Variants in RORA observed in about 807,000 individuals in gnomAD.
RORA encodes the protein RAR related orphan receptor A, also known as nuclear receptor ROR-alpha.
RORA carries 7 observed loss-of-function variants against 69.5 expected under a neutral mutation model. The ratio of observed to expected loss-of-function variants is 0.10; its 90% confidence interval spans 0.06 to 0.19. The LOEUF (loss-of-function observed/expected upper bound fraction) is 0.19. Among genes scored for constraint, RORA ranks in the 10% least tolerant of loss-of-function variants. The probability of loss-of-function intolerance (pLI) is 1.00; values close to 1 mark genes in which losing one functional copy is unlikely to be tolerated. For synonymous variants in RORA, 261 were observed against 240.8 expected (o/e 1.08, Z -0.78); for missense variants, 457 against 663.0 (o/e 0.69, Z 3.41).
At chr15:60,996,868 C>G (rs1354618164) in intron 1 of RORA, among the ~76,000 whole-genome samples, 4 of 151,866 alleles carry the variant, frequency 2.6e-5, no homozygotes, top group South Asian at 2.1e-4. Flanking sequence ...GGAGATCACG[C>G]CACTGCACTC....
At chr15:61,186,368 C>T (rs1488237588) in intron 1 of RORA, among the ~76,000 whole-genome samples, 2 of 152,042 alleles carry the variant, frequency 1.3e-5, no homozygotes, top group Admixed American at 6.5e-5. Flanking sequence ...TGGCCAGGCA[C>T]GGTGGCTCAT....
rs574712636 is a variant in RORA at position 61,118,198 on chromosome 15, T to C, written c.166+110855A>G. 4.6e-5 allele frequency among the ~76,000 whole-genome samples: 7 copies of C among 151,720 alleles called. No individual in the cohort carries two copies. The East Asian group carries it at 5.8e-4, about 13-fold the overall frequency. On this transcript the variant is annotated intron_variant, in intron 1 of 10. Coordinates refer to ENST00000335670, the MANE Select transcript of RORA (RefSeq NM_134261.3). ...AGAGAGTATTGGAAAGGAAAGAGGGTAGGGGTGGGGGAATGTCAGGGTTTC... is the reference window on the plus strand; with the variant it reads ...AGAGAGTATTGGAAAGGAAAGAGGGCAGGGGTGGGGGAATGTCAGGGTTTC...
At chr15:60,991,415 G>A (rs928356690) in intron 1 of RORA, among the ~76,000 whole-genome samples, 1 of 152,148 alleles carries the variant, frequency 6.6e-6, no homozygotes, top group African/African-American at 2.4e-5. Context: ...GAGGTCAATA[G>A]AGGATGTTTC....
At chr15:60,756,610 T>G (rs1436235375) in intron 1 of RORA, among the ~76,000 whole-genome samples, 2 of 152,202 alleles carry the variant, frequency 1.3e-5, no homozygotes, top group South Asian at 2.1e-4. Flanking sequence ...GGCTTTTAAT[T>G]TTTTGTATAG....
At chr15:60,497,875 A>T (rs1450461150) in intron 10 of RORA, among the ~76,000 whole-genome samples, 1 of 151,932 alleles carries the variant, frequency 6.6e-6, no homozygotes, top group Non-Finnish European at 1.5e-5. Flanking sequence ...CCTGGGAAAC[A>T]CGGTGAAACC....
At chr15:61,071,956 C>T (rs1352777823) in intron 1 of RORA, among the ~76,000 whole-genome samples, 1 of 151,984 alleles carries the variant, frequency 6.6e-6, no homozygotes, top group East Asian at 1.9e-4. Context: ...TACTCAAAGA[C>T]AGGACAGTAA....
chr15:60,840,884 G>A (rs1405071274), intron 1 of RORA, among the ~76,000 whole-genome samples: 3 of 152,168 alleles, frequency 2.0e-5, no homozygotes, highest in Admixed American at 6.5e-5. Context: ...GAGCCCAGGC[G>A]ATAGTTTTTC....
chr15:60,988,233 G>T (rs1438762377), intron 1 of RORA, among the ~76,000 whole-genome samples: 1 of 152,160 alleles, frequency 6.6e-6, no homozygotes, highest in East Asian at 1.9e-4. Context: ...GTTGGGAGAG[G>T]GAAGACACTG....
intron 1 of RORA, among the ~76,000 whole-genome samples, chr15:60,817,152 TAGC>T (rs1215914502): frequency 6.6e-6 from 1 of 152,228 alleles, no homozygotes. Context: ...TCTAATTTTT[TAGC>T]AATTTTGAAG....
intron 2 of RORA, among the ~76,000 whole-genome samples, chr15:60,646,068 A>G (rs1169200369): frequency 6.6e-6 from 1 of 152,176 alleles, no homozygotes; most frequent in Non-Finnish European, 1.5e-5. Flanking sequence ...TTCATTTGGC[A>G]TTGGAAAAGT....
chr15:60,505,103 ACAACTTCCAGAAACATGAGGCTTCCTTGT>A (rs1166303874), intron 6 of RORA, among the ~76,000 whole-genome samples: 1 of 152,216 alleles, frequency 6.6e-6, no homozygotes, highest in Non-Finnish European at 1.5e-5. Context: ...ACTCCCTAAT[ACAACTTCCAGAAACATGAGGCTTCCTTGT>A]CAACTTCCAG....
chr15:60,719,036 TG>T (rs772681035), intron 1 of RORA, among the ~76,000 whole-genome samples: 30 of 121,404 alleles, frequency 2.5e-4, no homozygotes, highest in East Asian at 9.3e-4. Flanking sequence ...TGTGTGTGTG[TG>T]GGGGGGGTGT....
intron 1 of RORA, among the ~76,000 whole-genome samples, chr15:60,854,641 A>C (rs2073361599): frequency 6.6e-6 from 1 of 152,234 alleles, no homozygotes; most frequent in African/African-American, 2.4e-5. Context: ...ACTTCAGCTA[A>C]GCTTCCTAGC....
intron 1 of RORA, among the ~76,000 whole-genome samples, chr15:60,697,360 G>A (rs1413009074): frequency 6.6e-6 from 1 of 152,158 alleles, no homozygotes; most frequent in Non-Finnish European, 1.5e-5. Context: ...CACAAGCCTA[G>A]GTTAGATGCT....
intron 2 of RORA, chr15:60,614,786 G>T: frequency 1.2e-6 from 1 of 824,632 alleles, no homozygotes; most frequent in Non-Finnish European, 1.9e-6. Context: ...AATATTTATA[G>T]TAATCATAAG....
At chr15:60,996,632 C>T (rs535322256) in intron 1 of RORA, among the ~76,000 whole-genome samples, 4 of 152,204 alleles carry the variant, frequency 2.6e-5, no homozygotes, top group Admixed American at 2.0e-4. Context: ...ATCTTCAGGC[C>T]GGGCACGATG....
intron 3 of RORA, chr15:60,528,626 C>T (rs1042005671): frequency 2.6e-5 from 4 of 152,110 alleles, no homozygotes; most frequent in African/African-American, 4.8e-5. Context: ...AAGACTATAT[C>T]CATAGATGTC....
chr15:60,535,856 G>A (rs796801061), intron 2 of RORA, among the ~76,000 whole-genome samples: 1 of 152,132 alleles, frequency 6.6e-6, no homozygotes, highest in East Asian at 1.9e-4. Flanking sequence ...TACCCTATGC[G>A]GTAGGCATCA....
chr15:61,147,741 T>C lies in RORA; in HGVS notation c.166+81312A>G, dbSNP rs530181456. 7.2e-6 allele frequency among the ~76,000 whole-genome samples: 1 copy of C among 139,796 alleles called. No homozygotes were observed. The highest frequency in any genetic ancestry group is 2.3e-4 in the South Asian group (1 of 4,310). 91.7% of individuals were successfully genotyped at this position (139,796 alleles called of 152,430 possible). On this transcript the variant is annotated intron_variant, in intron 1 of 10. Transcript: ENST00000335670. This position sits in a 1 kb window ranked among gnomAD's most constrained non-coding sequence, Gnocchi z 4.1. ...ACTTCAGTCCTAAAAGAAAGGTTGA[T>C]GGTCAGTAGGCACGTGCGCACACGC...
Sources: gnomAD v4.1 joint callset for allele counts (sites outside exome capture counted in the v4.1 genomes callset) on GRCh38, gnomAD v4.1.1 for gene constraint, Gnocchi (gnomAD v3.1) non-coding constraint, MANE v1.5 for transcripts, NCBI Gene and HGNC (gene_info 2026-07-23, HGNC 2026-07-21) for gene names.